KCNQ5: variants seen among roughly 807,000 people sequenced by gnomAD.
KCNQ5 encodes the protein potassium voltage-gated channel subfamily KQT member 5.
In KCNQ5, 30 loss-of-function variants were observed where a neutral mutation model predicts 98.2. That is an observed-to-expected ratio of 0.31 (90% CI 0.23 to 0.41). The LOEUF is 0.41. Among genes scored for constraint, KCNQ5 ranks in the 10% least tolerant of loss-of-function variants. The pLI is 1.00. For synonymous variants in KCNQ5, 458 were observed against 449.4 expected (o/e 1.02, Z -0.24); for missense variants, 835 against 1,182.5 (o/e 0.71, Z 4.31).
chr6:72,806,856 CA>C (rs1351750050), intron 1 of KCNQ5: 1 of 447,892 alleles, frequency 2.2e-6, no homozygotes, highest in South Asian at 1.6e-5. Flanking sequence ...TATTAATTTT[CA>C]GTTTCGTTTT....
At chr6:72,751,314 G>GAA (rs35351451) in intron 1 of KCNQ5, among the ~76,000 whole-genome samples, 2 of 141,778 alleles carry the variant, frequency 1.4e-5, no homozygotes, top group Admixed American at 7.1e-5. Context: ...GACTCAAAAT[G>GAA]AAAAAAAAAA....
chr6:73,000,954 G>C (rs1769540796), intron 1 of KCNQ5, among the ~76,000 whole-genome samples: 1 of 152,190 alleles, frequency 6.6e-6, no homozygotes. Flanking sequence ...TCAGCCACCT[G>C]TTTCATCCTG....
At chr6:72,734,609 C>A (rs1770730992) in intron 1 of KCNQ5, among the ~76,000 whole-genome samples, 1 of 152,058 alleles carries the variant, frequency 6.6e-6, no homozygotes, top group African/African-American at 2.4e-5. Flanking sequence ...TTCAAATCCC[C>A]CTTTTGATAC....
At chr6:72,942,297 CA>C (rs1247880327) in intron 1 of KCNQ5, among the ~76,000 whole-genome samples, 2 of 152,076 alleles carry the variant, frequency 1.3e-5, no homozygotes, top group African/African-American at 4.8e-5. Flanking sequence ...CTGTAGTATC[CA>C]AATTAAACCT....
At position 73,192,419 on chromosome 6, in the gene KCNQ5, T is replaced by C. The variant is rs1394257833; in HGVS notation, c.1710-146T>C. 4 of 623,320 alleles carry C rather than the reference T, an allele frequency of 6.4e-6. No individual in the cohort carries two copies. In the Admixed American group the frequency reaches 1.0e-4, roughly 16 times the overall value. The allele number at this position is 623,320 out of a possible 1,614,324, so 38.6% of individuals were successfully genotyped here. A position where few individuals can be genotyped will look rare whatever the true frequency, so the allele number is the denominator to read the frequency against. The stretch of plus-strand genomic sequence containing the variant: ...GTGTAATCTCATGTTCAAATAAGCA[T>C]ATCAACTGGAACAAGTTCTTTCTTA... On this transcript the variant is annotated intron_variant, in intron 12 of 13. Coordinates refer to ENST00000370398, the MANE Select transcript of KCNQ5 (RefSeq NM_019842.4).
At chr6:73,147,286 T>C (rs1304081851) in intron 10 of KCNQ5, among the ~76,000 whole-genome samples, 1 of 152,130 alleles carries the variant, frequency 6.6e-6, no homozygotes, top group African/African-American at 2.4e-5. Context: ...TATATTGTTA[T>C]TATTTATTAA....
chr6:73,190,490 C>A, intron 11 of KCNQ5, 83 bp from the exon 12 acceptor site: 1 of 700,960 alleles, frequency 1.4e-6, no homozygotes, highest in East Asian at 3.4e-5. Context: ...CCCAGAGTTT[C>A]TTATTATATT....
intron 1 of KCNQ5, among the ~76,000 whole-genome samples, chr6:72,954,531 CTGTGTG>C (rs3068309): frequency 0.52 from 78,406 of 150,424 alleles, 21,814 homozygotes; most frequent in Non-Finnish European, 0.63. Context: ...CAAGACTTTT[CTGTGTG>C]TGTGTGTGTG....
rs1379499102 is a variant in KCNQ5 at position 73,170,567 on chromosome 6, A to C, written c.1577+713A>C. Among the ~76,000 whole-genome samples, 7 of 452 alleles carry C rather than the reference A, an allele frequency of 0.015. No individual in the cohort carries two copies. In the African/African-American group the frequency reaches 0.19, roughly 12 times the overall value. The allele number at this position is 452 out of a possible 152,430, so 0.3% of individuals were successfully genotyped here. A position where few individuals can be genotyped will look rare whatever the true frequency, so the allele number is the denominator to read the frequency against. On this transcript the variant is annotated intron_variant, in intron 11 of 13. Coordinates refer to ENST00000370398, the MANE Select transcript of KCNQ5 (RefSeq NM_019842.4). ...AAGGAATGCTGAGTAACTATATTGC[A>C]AAAAAAAAAAAAAGAAAAGAAAAGA...
chr6:72,982,638 C>T (rs954235852), intron 1 of KCNQ5, among the ~76,000 whole-genome samples: 1 of 152,006 alleles, frequency 6.6e-6, no homozygotes, highest in Non-Finnish European at 1.5e-5. Flanking sequence ...ATTTGCCAGT[C>T]TGTGTCTTTT....
intron 1 of KCNQ5, among the ~76,000 whole-genome samples, chr6:72,966,014 G>C (rs114834384): frequency 6.6e-6 from 1 of 152,176 alleles, no homozygotes; most frequent in Non-Finnish European, 1.5e-5. Context: ...TGGAGCAGAA[G>C]GGGAGGTGCT....
intron 5 of KCNQ5, among the ~76,000 whole-genome samples, chr6:73,091,621 C>T (rs1403766898): frequency 1.3e-5 from 2 of 152,080 alleles, no homozygotes; most frequent in Admixed American, 1.3e-4. Context: ...TTCCATTGGT[C>T]TATGTGCATA....
At chr6:72,665,151 C>T (rs1333783998) in intron 1 of KCNQ5, among the ~76,000 whole-genome samples, 1 of 151,906 alleles carries the variant, frequency 6.6e-6, no homozygotes, top group African/African-American at 2.4e-5. Flanking sequence ...AGTTGGAGAC[C>T]AGCCTGGCCA....
chr6:72,653,719 A>G (rs1765992758), intron 1 of KCNQ5, among the ~76,000 whole-genome samples: 3 of 152,050 alleles, frequency 2.0e-5, no homozygotes, highest in Admixed American at 2.0e-4. Flanking sequence ...TTATCAAAGT[A>G]AAGTAACATT....
At chr6:72,943,244 A>T (rs1766389189) in intron 1 of KCNQ5, among the ~76,000 whole-genome samples, 2 of 152,174 alleles carry the variant, frequency 1.3e-5, no homozygotes, top group Admixed American at 1.3e-4. Flanking sequence ...AATCTGCATA[A>T]ATATATCCTA....
At chr6:72,789,306 G>A (rs1417098802) in intron 1 of KCNQ5, among the ~76,000 whole-genome samples, 4 of 152,042 alleles carry the variant, frequency 2.6e-5, no homozygotes, top group Non-Finnish European at 4.4e-5. Flanking sequence ...ACAGGAGCCC[G>A]CCACCACACC....
chr6:72,941,544 TTTCCTTCTTCCCTCCCTCCTTCC>T (rs1358851413), intron 1 of KCNQ5, among the ~76,000 whole-genome samples: 1 of 56,674 alleles, frequency 1.8e-5, no homozygotes, highest in Non-Finnish European at 5.1e-5. Flanking sequence ...CCCTCCTTCC[TTTCCTTCTTCCCTCCCTCCTTCC>T]TTCCTCCTTC....
chr6:72,663,066 T>C (rs1766608526), intron 1 of KCNQ5, among the ~76,000 whole-genome samples: 1 of 152,136 alleles, frequency 6.6e-6, no homozygotes. Flanking sequence ...ATGTTCTCTC[T>C]TGTAAGTGGG....
At chr6:72,898,263 A>G (rs575417746) in intron 1 of KCNQ5, among the ~76,000 whole-genome samples, 15 of 152,188 alleles carry the variant, frequency 9.9e-5, no homozygotes, top group African/African-American at 3.1e-4. Flanking sequence ...TCAACCCGTC[A>G]GTGAGGTTTT....
Sources: allele counts gnomAD v4.1 joint callset (sites outside exome capture counted in the v4.1 genomes callset), GRCh38; gene constraint gnomAD v4.1.1; transcripts MANE v1.5; gene names NCBI Gene and HGNC (gene_info 2026-07-23, HGNC 2026-07-21).